The following GTF2H1 variants were observed in gnomAD, a reference collection of about 807,000 sequenced individuals.
GTF2H1 encodes general transcription factor IIH subunit 1, also known as BTF2 p62.
In GTF2H1, 16 loss-of-function variants were observed where a neutral mutation model predicts 71.2. The ratio of observed to expected loss-of-function variants is 0.22; its 90% confidence interval spans 0.15 to 0.34. The LOEUF (loss-of-function observed/expected upper bound fraction) is 0.34, where lower values mean the gene tolerates loss of function less well. Ranked by LOEUF, GTF2H1 falls within the 10% of genes least tolerant of loss-of-function variation. GTF2H1 has a pLI of 1.00. For missense variants in GTF2H1, 498 were observed against 648.2 expected (o/e 0.77, Z 2.52); for synonymous variants, 215 against 219.0 (o/e 0.98, Z 0.16).
At chr11:18,328,499 CAA>C (rs1864821647) in intron 1 of GTF2H1, among the ~76,000 whole-genome samples, 1 of 110,472 alleles carries the variant, frequency 9.1e-6, no homozygotes. Context: ...GGTGACAGAG[CAA>C]GACTCCATCT....
chr11:18,330,817 A>G (rs1467626124), intron 1 of GTF2H1, among the ~76,000 whole-genome samples: 1 of 152,162 alleles, frequency 6.6e-6, no homozygotes, highest in Non-Finnish European at 1.5e-5. Flanking sequence ...GATAGTCCCC[A>G]GGCTCCTTGG....
chr11:18,336,861 TCTC>T (rs1184759760), intron 3 of GTF2H1, among the ~76,000 whole-genome samples: 6 of 151,590 alleles, frequency 4.0e-5, no homozygotes, highest in African/African-American at 1.5e-4. Context: ...TTCAAGCAGT[TCTC>T]CTGCCTCAGC....
chr11:18,351,153 C>T (rs1865411496), intron 9 of GTF2H1, among the ~76,000 whole-genome samples: 1 of 151,916 alleles, frequency 6.6e-6, no homozygotes, highest in Non-Finnish European at 1.5e-5. Context: ...GGAAGCTGAG[C>T]ATGGTAGCAT....
At chr11:18,330,253 C>T (rs571591026) in intron 1 of GTF2H1, among the ~76,000 whole-genome samples, 1 of 152,242 alleles carries the variant, frequency 6.6e-6, no homozygotes, top group Non-Finnish European at 1.5e-5. Flanking sequence ...TTTTGTGTCC[C>T]TTTTGGGACT....
intron 7 of GTF2H1, among the ~76,000 whole-genome samples, chr11:18,345,796 G>GTCTCATGATCTTTTTT (rs75644482): frequency 8.0e-6 from 1 of 125,218 alleles, no homozygotes; most frequent in Admixed American, 8.5e-5. Context: ...GCACATATGA[G>GTCTCATGATCTTTTTT]TTTTTTTTTT....
intron 14 of GTF2H1, 86 bp from the exon 15 acceptor site, chr11:18,365,697 C>A: frequency 1.2e-6 from 1 of 868,208 alleles, no homozygotes; most frequent in Non-Finnish European, 2.0e-6. Flanking sequence ...CGAAACTACA[C>A]TCTGAAGTGT....
chr11:18,346,332 T>G (rs1461553640), intron 7 of GTF2H1, among the ~76,000 whole-genome samples: 1 of 152,176 alleles, frequency 6.6e-6, no homozygotes, highest in East Asian at 1.9e-4. Flanking sequence ...CCACAGTGCC[T>G]CTTTGCCTTT....
At chr11:18,335,722 C>T (rs1369165811) in intron 2 of GTF2H1, 32 bp from the exon 3 acceptor site, 40 of 1,505,938 alleles carry the variant, frequency 2.7e-5, no homozygotes, top group South Asian at 3.4e-5. Context: ...GTGTGAGTGT[C>T]ATCATCTAAC....
At chr11:18,345,370 T>G (rs1165970335) in intron 7 of GTF2H1, among the ~76,000 whole-genome samples, 1 of 152,202 alleles carries the variant, frequency 6.6e-6, no homozygotes, top group Non-Finnish European at 1.5e-5. Flanking sequence ...ATAATTGCAT[T>G]CACACTCCTC....
chr11:18,356,050 G>C (rs1047218454), intron 11 of GTF2H1, among the ~76,000 whole-genome samples: 1 of 152,058 alleles, frequency 6.6e-6, no homozygotes, highest in Admixed American at 6.6e-5. Context: ...TGTCCCAGGC[G>C]TGGAATTTTC....
At chr11:18,358,738 C>A in intron 13 of GTF2H1, 98 bp downstream of exon 13, 1 of 734,282 alleles carries the variant, frequency 1.4e-6, no homozygotes, top group Non-Finnish European at 2.4e-6. Context: ...ATGTGACAGA[C>A]ACTGGGATAA....
intron 14 of GTF2H1, 138 bp from the exon 15 acceptor site, chr11:18,365,645 C>A: frequency 1.6e-6 from 1 of 631,770 alleles, no homozygotes; most frequent in South Asian, 1.9e-5. Context: ...TCTCAGAGGG[C>A]TTGCACATTA....
intron 4 of GTF2H1, among the ~76,000 whole-genome samples, chr11:18,338,486 C>G (rs1865084484): frequency 6.6e-6 from 1 of 152,176 alleles, no homozygotes; most frequent in Non-Finnish European, 1.5e-5. Context: ...CTCTGTCACC[C>G]AGACTGGAGT....
intron 1 of GTF2H1, among the ~76,000 whole-genome samples, chr11:18,328,615 A>C (rs148290455): frequency 6.6e-6 from 1 of 151,888 alleles, no homozygotes; most frequent in African/African-American, 2.4e-5. Context: ...ACTTGCGTCC[A>C]GGAGTTCAAG....
intron 5 of GTF2H1, among the ~76,000 whole-genome samples, chr11:18,340,049 A>G (rs1249867539): frequency 6.6e-6 from 1 of 152,090 alleles, no homozygotes; most frequent in Non-Finnish European, 1.5e-5. Context: ...ACTAAGCAGT[A>G]CTCTCTTAAG....
rs898731643 is a variant in GTF2H1, at chr11:18,352,080, A to G, written c.1142+111A>G. 3 of 675,812 alleles carry G rather than the reference A, an allele frequency of 4.4e-6. No homozygotes were observed. In the African/African-American group the frequency reaches 5.4e-5, roughly 12 times the overall value. The allele number at this position is 675,812 out of a possible 1,614,324, so 41.9% of individuals were successfully genotyped here. A position where few individuals can be genotyped will look rare whatever the true frequency, so the allele number is the denominator to read the frequency against. ...CAGTTCGTCACCATCAAAGTACAAT[A>G]TCCTTTTCTGTTTAAAATTTAGGCT... On this transcript the variant is annotated intron_variant, in intron 10 of 14. Coordinates refer to ENST00000265963, the MANE Select transcript of GTF2H1 (RefSeq NM_005316.4).
At chr11:18,352,837 A>G (rs1865457927) in intron 11 of GTF2H1, among the ~76,000 whole-genome samples, 1 of 152,230 alleles carries the variant, frequency 6.6e-6, no homozygotes, top group African/African-American at 2.4e-5. Context: ...GCAATTTGTC[A>G]GTTCTGCCTT....
At chr11:18,328,394 C>A (rs1037579602) in intron 1 of GTF2H1, among the ~76,000 whole-genome samples, 6 of 151,224 alleles carry the variant, frequency 4.0e-5, no homozygotes, top group Non-Finnish European at 7.4e-5. Flanking sequence ...AACCTGTAAT[C>A]CCAGCTACTT....
intron 5 of GTF2H1, among the ~76,000 whole-genome samples, chr11:18,339,914 C>T (rs1228512161): frequency 6.6e-6 from 1 of 152,154 alleles, no homozygotes; most frequent in Non-Finnish European, 1.5e-5. Flanking sequence ...CCAGAGTGAC[C>T]TTCCTAACCC....
Sources: allele counts gnomAD v4.1 joint callset (sites outside exome capture counted in the v4.1 genomes callset), GRCh38; gene constraint gnomAD v4.1.1; transcripts MANE v1.5; gene names NCBI Gene and HGNC (gene_info 2026-07-23, HGNC 2026-07-21).